The following TLE2 variants were observed in gnomAD, a reference collection of about 807,000 sequenced individuals.
The protein encoded by TLE2 is TLE family member 2, transcriptional corepressor.
Under a neutral mutation model 97.2 loss-of-function variants are expected in TLE2, and 74 were observed. That is an observed-to-expected ratio of 0.76 (90% CI 0.63 to 0.92). TLE2 has a LOEUF of 0.92. Ranked by LOEUF, TLE2 falls within the 40% of genes least tolerant of loss-of-function variation. The probability of loss-of-function intolerance (pLI) is 0.00; values close to 1 mark genes in which losing one functional copy is unlikely to be tolerated. For missense variants in TLE2, 1,038 were observed against 1,008.7 expected (o/e 1.03, Z -0.39); for synonymous variants, 499 against 432.1 (o/e 1.15, Z -1.92).
chr19:3,002,723 G>T (rs1165826071), intron 17 of TLE2, among the ~76,000 whole-genome samples: 2 of 150,336 alleles, frequency 1.3e-5, no homozygotes, highest in Admixed American at 6.6e-5. Flanking sequence ...TTTTGAGACA[G>T]AGTCTCACTG....
Position 2,997,740 on chromosome 19 carries a change from G to C in TLE2, c.*108C>G. 1 of 778,634 alleles carries C rather than the reference G, an allele frequency of 1.3e-6. No individual in the cohort carries two copies. The highest frequency in any genetic ancestry group is 2.7e-5 in the East Asian group (1 of 37,128). The allele number at this position is 778,634 out of a possible 1,614,324, so 48.2% of individuals were successfully genotyped here. A position where few individuals can be genotyped will look rare whatever the true frequency, so the allele number is the denominator to read the frequency against. ...GAAGCCGTTGGCCAGAGAGCAGATG[G>C]GATGTACGGTTCCTAGGCAGGGCTG... is the stretch of plus-strand genomic sequence containing the variant. On this transcript the variant is annotated 3_prime_UTR_variant, in exon 20 of 20. Coordinates refer to ENST00000262953, the MANE Select transcript of TLE2 (RefSeq NM_003260.5).
At chr19:3,035,429 C>A (rs1282181365) in intron 1 of TLE2, among the ~76,000 whole-genome samples, 1 of 152,014 alleles carries the variant, frequency 6.6e-6, no homozygotes, top group Admixed American at 6.6e-5. Context: ...GAAGAAGCTG[C>A]CAGAGGGGAA....
chr19:3,044,761 C>G (rs776387419), intron 1 of TLE2, among the ~76,000 whole-genome samples: 3 of 152,220 alleles, frequency 2.0e-5, no homozygotes, highest in Non-Finnish European at 4.4e-5. Context: ...TCGCTACACA[C>G]CTACTGTGTG....
At position 3,019,776 on chromosome 19, in the gene TLE2, G is replaced by A. The variant is rs1268826937; in HGVS notation, c.295-3C>T. Reference sequence around the variant, plus strand: ...GCCTGGAGCACCTGCTGCTGATGCTGGCGGGTGGAAGGGATCAGGTAGAGG... The same window carrying A: ...GCCTGGAGCACCTGCTGCTGATGCTAGCGGGTGGAAGGGATCAGGTAGAGG... On this transcript the variant is annotated splice_region_variant and splice_polypyrimidine_tract_variant and intron_variant, in intron 5 of 19. Transcript: ENST00000262953. This position sits in a 1 kb window ranked among gnomAD's most constrained non-coding sequence, Gnocchi z 5.1. 2.5e-6 allele frequency: 4 copies of A among 1,611,876 alleles called. No individual in the cohort carries two copies. In the African/African-American group the frequency reaches 5.3e-5, roughly 22 times the overall value.
chr19:3,032,942 T>TTG (rs2090036608), upstream of TLE2, among the ~76,000 whole-genome samples: 1 of 52,400 alleles, frequency 1.9e-5, no homozygotes, highest in East Asian at 5.3e-4. This position sits in a 1 kb window ranked among gnomAD's most constrained non-coding sequence, Gnocchi z 4.1. Context: ...TTGTTGGTTG[T>TTG]TTTTTTTTTT....
chr19:3,032,608 G>A (rs924017699), upstream of TLE2, among the ~76,000 whole-genome samples: 2 of 152,092 alleles, frequency 1.3e-5, no homozygotes, highest in African/African-American at 4.8e-5. This position sits in a 1 kb window ranked among gnomAD's most constrained non-coding sequence, Gnocchi z 4.1. Context: ...CCCTCACCAC[G>A]AAGAAGGCTG....
rs753759337 is a variant in TLE2 at position 3,005,538 on chromosome 19, C to T, written c.1795G>A (p.Asp599Asn). The T allele has an allele frequency of 6.2e-7, 1 of 1,613,574 alleles. No individual in the cohort carries two copies. Among genetic ancestry groups the T allele is most frequent in the Non-Finnish European group, 8.5e-7 (1 of 1,179,754 alleles). The change falls in exon 17 of 20, where the codon GAT becomes AAT. Residue 599 changes from aspartate to asparagine, a missense_variant. Transcript: ENST00000262953. ...CCTGTCCAGAGCCGAGTGCCGTAAT[C>T]GGAAATATCAATGCAGCTGGCGCCG... ...TDGASCIDIS[D>N]YGTRLWTGGL... is the part of the protein sequence containing the mutation.
rs192502076 is a variant in TLE2 at position 3,019,490 on chromosome 19, G to A, written c.370-27C>T. 3.9e-4 allele frequency: 582 copies of A among 1,488,752 alleles called. 1 individual carries two copies. In the African/African-American group the frequency reaches 4.4e-3, roughly 11 times the overall value. 92.2% of individuals were successfully genotyped at this position (1,488,752 alleles called of 1,614,324 possible). A position where few individuals can be genotyped will look rare whatever the true frequency, so the allele number is the denominator to read the frequency against. Reference sequence around the variant, plus strand: ...TGCTAGAAAGGAGGCAGGATGGGCCGGGGCGGGGGGCGGCAGGAGCCCAGC... The same window carrying A: ...TGCTAGAAAGGAGGCAGGATGGGCCAGGGCGGGGGGCGGCAGGAGCCCAGC... On this transcript the variant is annotated intron_variant, in intron 6 of 19. Transcript: ENST00000262953. This position sits in a 1 kb window ranked among gnomAD's most constrained non-coding sequence, Gnocchi z 5.1.
At position 3,019,268 on chromosome 19, in the gene TLE2, G is replaced by A. The variant is rs199522182; in HGVS notation, c.550+15C>T. Reference sequence around the variant, plus strand: ...CCGTCTCCCCAGCCAATGCCACCCCGTGCTGCCCACTCACCTCTGGACCCC... The same window carrying A: ...CCGTCTCCCCAGCCAATGCCACCCCATGCTGCCCACTCACCTCTGGACCCC... On this transcript the variant is annotated intron_variant, in intron 7 of 19. Transcript: ENST00000262953. This position sits in a 1 kb window ranked among gnomAD's most constrained non-coding sequence, Gnocchi z 5.1. 595 of 1,567,466 alleles carry A rather than the reference G, an allele frequency of 3.8e-4. 1 individual carries two copies. In the East Asian group the frequency reaches 4.8e-3, roughly 13 times the overall value.
At chr19:3,005,676 AGCGGCCGGGG>A (rs1164427064) in intron 16 of TLE2, 35 bp downstream of exon 16, 2 of 1,607,252 alleles carry the variant, frequency 1.2e-6, no homozygotes, top group African/African-American at 2.7e-5. Context: ...CTGCACCGAG[AGCGGCCGGGG>A]GCTTGCCCAA....
At chr19:3,040,045 G>A (rs920933314) in intron 1 of TLE2, among the ~76,000 whole-genome samples, 6 of 152,212 alleles carry the variant, frequency 3.9e-5, no homozygotes, top group South Asian at 2.1e-4. Context: ...TTTGGGGTGC[G>A]GAAGCAGAGC....
At position 3,005,556 on chromosome 19, in the gene TLE2, T is replaced by C; in HGVS notation, c.1777A>G (p.Ser593Gly). The C allele has an allele frequency of 6.2e-7, 1 of 1,613,448 alleles. No homozygotes were observed. Among genetic ancestry groups the C allele is most frequent in the Non-Finnish European group, 8.5e-7 (1 of 1,179,714 alleles). ...CCGTAATCGGAAATATCAATGCAGC[T>C]GGCGCCGTCCGTGTGGCCCTGGAAC... is the stretch of plus-strand genomic sequence containing the variant. Reference protein sequence around the residue: ...RQFQGHTDGASCIDISDYGTR... With the variant: ...RQFQGHTDGAGCIDISDYGTR... Residue 593 changes from serine (S) to glycine (G), a missense_variant, in exon 17 of 20, where the codon AGC becomes GGC. Transcript: ENST00000262953.
At chr19:3,025,990 G>A (rs2089936825) in intron 4 of TLE2, among the ~76,000 whole-genome samples, 1 of 152,034 alleles carries the variant, frequency 6.6e-6, no homozygotes, top group Non-Finnish European at 1.5e-5. Flanking sequence ...CAGCCACCGG[G>A]AAGTCCCAAT....
chr19:3,001,188 G>T (rs199650159), intron 18 of TLE2, among the ~76,000 whole-genome samples: 1 of 151,698 alleles, frequency 6.6e-6, no homozygotes, highest in Non-Finnish European at 1.5e-5. Context: ...CTTGAGAATC[G>T]CTTGAACCCA....
In TLE2 at chr19:3,028,808, G is replaced by A. The variant is rs201241725; in HGVS notation, c.25-5C>T. ...CTGGCCGGACTGGAGCGGGGTCTGG[G>A]GGGGGTGTGGGGGAAACGTCAGGGT... On this transcript the variant is annotated splice_region_variant and splice_polypyrimidine_tract_variant and intron_variant, in intron 1 of 19. Transcript: ENST00000262953. 1.1e-5 allele frequency: 18 copies of A among 1,612,234 alleles called. No individual in the cohort carries two copies. Among genetic ancestry groups the A allele is most frequent in the Middle Eastern group, 1.7e-4 (1 of 6,046 alleles).
chr19:3,022,250 G>A (rs893556833), intron 5 of TLE2, among the ~76,000 whole-genome samples: 14 of 151,976 alleles, frequency 9.2e-5, no homozygotes, highest in Admixed American at 3.3e-4. Flanking sequence ...GGCCAGGTGC[G>A]GTGGCTCACG....
intron 18 of TLE2, among the ~76,000 whole-genome samples, chr19:3,001,632 C>T (rs973140077): frequency 2.6e-5 from 4 of 151,936 alleles, no homozygotes; most frequent in Non-Finnish European, 2.9e-5. Flanking sequence ...ACTACAGGTG[C>T]GACCTACTGG....
In TLE2 at chr19:3,029,123, C is replaced by A; in HGVS notation, c.-219G>T. The A allele has an allele frequency of 8.9e-7, 1 of 1,120,658 alleles. No homozygotes were observed. The allele number at this position is 1,120,658 out of a possible 1,614,324, so 69.4% of individuals were successfully genotyped here. On this transcript the variant is annotated 5_prime_UTR_variant, in exon 1 of 20. Transcript: ENST00000262953. ...CCTCCCCGGGTTGGGGTGCGCGGGG[C>A]GAGCGGGGCGGGCAGGGGCAGCGGC...
intron 18 of TLE2, 93 bp from the exon 19 acceptor site, chr19:3,000,816 G>A: frequency 1.2e-6 from 1 of 820,938 alleles, no homozygotes; most frequent in Admixed American, 3.0e-5. Context: ...TCTGGGTCTG[G>A]CCTCTCCCTT....
Sources: allele counts gnomAD v4.1 joint callset (sites outside exome capture counted in the v4.1 genomes callset), GRCh38; gene constraint gnomAD v4.1.1; non-coding constraint Gnocchi (gnomAD v3.1); transcripts MANE v1.5; gene names NCBI Gene and HGNC (gene_info 2026-07-23, HGNC 2026-07-21).